Variants in NDRG3 observed in about 807,000 individuals in gnomAD.
NDRG3 encodes the protein protein NDRG3.
In NDRG3, 23 loss-of-function variants were observed where a neutral mutation model predicts 57.2. The observed-to-expected ratio is 0.40, with a 90% confidence interval of 0.29 to 0.57. The LOEUF is 0.57. NDRG3 is among the 20% of genes least tolerant of loss of function. NDRG3 has a pLI of 0.42. For missense variants in NDRG3, 384 were observed against 457.3 expected, an observed-to-expected ratio of 0.84 and a Z score of 1.46; for synonymous variants, 132 against 162.6, an observed-to-expected ratio of 0.81 and a Z score of 1.43.
At chr20:36,717,197 C>T (rs1412552444) in intron 2 of NDRG3, among the ~76,000 whole-genome samples, 3 of 152,062 alleles carry the variant, frequency 2.0e-5, no homozygotes, top group Non-Finnish European at 4.4e-5. Context: ...GAGCCGTAGA[C>T]AAAATTACAG....
At chr20:36,656,460 C>A in intron 14 of NDRG3, 37 bp downstream of exon 14, 1 of 1,614,082 alleles carries the variant, frequency 6.2e-7, no homozygotes, top group Non-Finnish European at 8.5e-7. Flanking sequence ...GACAGAGAAG[C>A]AGAATTAAAT....
At chr20:36,673,808 A>G (rs895977248) in intron 8 of NDRG3, among the ~76,000 whole-genome samples, 9 of 152,144 alleles carry the variant, frequency 5.9e-5, no homozygotes, top group Admixed American at 5.2e-4. Flanking sequence ...AAAGTTAAGT[A>G]TATCTAAAAC....
Position 36,721,768 on chromosome 20 carries a change from GA to G in NDRG3, c.-34del. On this transcript the variant is annotated 5_prime_UTR_variant, in exon 2 of 16. Transcript: ENST00000349004. ...GATAACGAGAGTAGAGGAATCTCAA[GA>G]ATAAATCAGTAACTCTGAAACAGAA... 1 of 1,463,036 alleles carries G rather than the reference GA, an allele frequency of 6.8e-7. No homozygotes were observed. Among genetic ancestry groups the G allele is most frequent in the Non-Finnish European group, 9.5e-7 (1 of 1,054,036 alleles). The allele number at this position is 1,463,036 out of a possible 1,614,324, so 90.6% of individuals were successfully genotyped here. A position where few individuals can be genotyped will look rare whatever the true frequency, so the allele number is the denominator to read the frequency against.
At chr20:36,708,647 CAAAAAA>C (rs746647555) in intron 2 of NDRG3, among the ~76,000 whole-genome samples, 5 of 62,654 alleles carry the variant, frequency 8.0e-5, no homozygotes, top group South Asian at 6.7e-4. Flanking sequence ...GACTCCGTCT[CAAAAAA>C]AAAAAAAAAA....
chr20:36,721,855 C>T (rs1984614217), intron 1 of NDRG3, 72 bp from the exon 2 acceptor site: 3 of 670,408 alleles, frequency 4.5e-6, no homozygotes, highest in Admixed American at 2.7e-5. Context: ...TCACAGTACA[C>T]CCATTCATTC....
At chr20:36,699,335 G>C (rs904389000) in intron 3 of NDRG3, among the ~76,000 whole-genome samples, 3 of 152,116 alleles carry the variant, frequency 2.0e-5, no homozygotes, top group African/African-American at 7.2e-5. Flanking sequence ...TTATTAAAGA[G>C]AACTAAAGGA....
At chr20:36,716,266 C>A (rs941934549) in intron 2 of NDRG3, among the ~76,000 whole-genome samples, 1 of 151,992 alleles carries the variant, frequency 6.6e-6, no homozygotes, top group African/African-American at 2.4e-5. Flanking sequence ...GGTGCGGTGG[C>A]TCATGCCTGT....
chr20:36,653,574 G>C lies in NDRG3; in HGVS notation c.1074C>G (p.Ser358=). 2.5e-6 allele frequency: 4 copies of C among 1,614,194 alleles called. No individual in the cohort carries two copies. The highest frequency in any genetic ancestry group is 3.4e-6 in the Non-Finnish European group (4 of 1,180,006). The change falls in exon 16 of 16, where the codon TCC becomes TCG. Residue 358 remains serine, a synonymous_variant. Coordinates refer to ENST00000349004, the MANE Select transcript of NDRG3 (RefSeq NM_032013.4). This position sits in a 1 kb window ranked among gnomAD's most constrained non-coding sequence, Gnocchi z 4.2. The part of the protein sequence containing the change: ...TSNQSDGTQE[S]CESPDVLDRH... ...TGTCCAGGACATCAGGGGACTCACA[G>C]GATTCTTGAGTTCCATCTGACTGAT... is the stretch of plus-strand genomic sequence containing the variant.
intron 1 of NDRG3, among the ~76,000 whole-genome samples, chr20:36,740,252 T>C (rs1185238539): frequency 1.3e-5 from 2 of 152,246 alleles, no homozygotes; most frequent in Non-Finnish European, 2.9e-5. Flanking sequence ...CATTAATTAA[T>C]GTTTGCCACT....
At chr20:36,688,547 G>A (rs1247179793) in intron 4 of NDRG3, 132 bp downstream of exon 4, 13 of 669,706 alleles carry the variant, frequency 1.9e-5, no homozygotes, top group Non-Finnish European at 3.1e-5. Flanking sequence ...ATTAACGAAT[G>A]TAGGAACAAG....
Position 36,746,089 on chromosome 20 carries a change from G to T in NDRG3, c.-93C>A, listed in dbSNP as rs1986186768. 1 of 245,498 alleles carries T rather than the reference G, an allele frequency of 4.1e-6. No homozygotes were observed. Among genetic ancestry groups the T allele is most frequent in the Non-Finnish European group, 6.7e-6 (1 of 148,690 alleles). 15.2% of individuals were successfully genotyped at this position (245,498 alleles called of 1,614,324 possible). ...CGTCAGTGCAGCAGCAGCGGCGGCG[G>T]CGGCGGCGGCGGCGGCGGCGGCGGC... On this transcript the variant is annotated 5_prime_UTR_variant, in exon 1 of 16. Coordinates refer to ENST00000349004, the MANE Select transcript of NDRG3 (RefSeq NM_032013.4).
intron 3 of NDRG3, chr20:36,700,339 C>T: frequency 2.5e-6 from 1 of 396,940 alleles, no homozygotes; most frequent in Non-Finnish European, 5.0e-6. Flanking sequence ...TTGGAGCAGC[C>T]CCTAGTTGTC....
At chr20:36,671,263 C>T (rs1980124376) in intron 9 of NDRG3, 78 bp downstream of exon 9, 3 of 1,199,312 alleles carry the variant, frequency 2.5e-6, no homozygotes, top group African/African-American at 3.0e-5. Context: ...TCTAAGGCAG[C>T]CCTTCTTTCC....
chr20:36,666,402 T>C lies in NDRG3; in HGVS notation c.589-10A>G, dbSNP rs1285465466. The C allele has an allele frequency of 1.9e-6, 3 of 1,592,512 alleles. No homozygotes were observed. Among genetic ancestry groups the C allele is most frequent in the Non-Finnish European group, 2.6e-6 (3 of 1,160,476 alleles). ...TGGCCTGTAACTCTTCCTAGAACAA[T>C]TGAAAGAAGACATGGGTAAGCTTCT... On this transcript the variant is annotated splice_polypyrimidine_tract_variant and intron_variant, in intron 9 of 15. Coordinates refer to ENST00000349004, the MANE Select transcript of NDRG3 (RefSeq NM_032013.4).
chr20:36,687,321 C>T (rs1981872755), intron 5 of NDRG3, among the ~76,000 whole-genome samples, 171 bp downstream of exon 5: 1 of 152,264 alleles, frequency 6.6e-6, no homozygotes, highest in Non-Finnish European at 1.5e-5. Flanking sequence ...AAAAACTGTA[C>T]ATAACAGTCC....
chr20:36,692,980 C>A (rs1982390100), intron 3 of NDRG3, among the ~76,000 whole-genome samples: 1 of 140,438 alleles, frequency 7.1e-6, no homozygotes, highest in Non-Finnish European at 1.5e-5. Flanking sequence ...GAAGCTGAGG[C>A]AGGAGAATGG....
At chr20:36,701,264 G>C (rs1217613961) in intron 3 of NDRG3, among the ~76,000 whole-genome samples, 1 of 152,160 alleles carries the variant, frequency 6.6e-6, no homozygotes, top group East Asian at 1.9e-4. Context: ...AGGTCAGGCA[G>C]GATGGCTCAG....
intron 9 of NDRG3, among the ~76,000 whole-genome samples, chr20:36,670,067 G>T (rs534056606): frequency 6.6e-6 from 1 of 152,296 alleles, no homozygotes; most frequent in African/African-American, 2.4e-5. Flanking sequence ...TGAAGTTTCA[G>T]AACAGTCAAA....
chr20:36,687,434 G>T, intron 5 of NDRG3, 58 bp downstream of exon 5: 1 of 1,585,798 alleles, frequency 6.3e-7, no homozygotes, highest in Non-Finnish European at 8.6e-7. Context: ...TCCCACTGGA[G>T]CTCAGCCAGT....
Sources: gnomAD v4.1 joint callset for allele counts (sites outside exome capture counted in the v4.1 genomes callset) on GRCh38, gnomAD v4.1.1 for gene constraint, Gnocchi (gnomAD v3.1) non-coding constraint, MANE v1.5 for transcripts, NCBI Gene and HGNC (gene_info 2026-07-23, HGNC 2026-07-21) for gene names.